The following CSMD1 variants were observed in gnomAD, a reference collection of about 807,000 sequenced individuals.
CSMD1 encodes CUB and sushi domain-containing protein 1.
A neutral mutation model predicts 417.5 loss-of-function variants in CSMD1; 213 were observed. That is an observed-to-expected ratio of 0.51 (90% CI 0.46 to 0.57). The LOEUF (loss-of-function observed/expected upper bound fraction) is 0.57. Among genes scored for constraint, CSMD1 ranks in the 20% least tolerant of loss-of-function variants. The probability of loss-of-function intolerance (pLI) is 0.00; values close to 1 mark genes in which losing one functional copy is unlikely to be tolerated. For synonymous variants in CSMD1, 2,862 were observed against 1,736.8 expected, an observed-to-expected ratio of 1.65 and a Z score of -16.11; for missense variants, 6,923 against 4,529.7, an observed-to-expected ratio of 1.53 and a Z score of -15.17.
intron 54 of CSMD1, among the ~76,000 whole-genome samples, chr8:2,982,285 T>G (rs563477523): frequency 6.6e-6 from 1 of 152,162 alleles, no homozygotes; most frequent in South Asian, 2.1e-4. Context: ...GAACCCAGGA[T>G]GCGGAAGCTG....
chr8:4,105,693 C>G (rs1163043799), intron 3 of CSMD1, among the ~76,000 whole-genome samples: 1 of 152,192 alleles, frequency 6.6e-6, no homozygotes, highest in Non-Finnish European at 1.5e-5. Context: ...TCATATTAGC[C>G]TAGGCTGGGG....
chr8:4,823,696 G>C (rs903490131), intron 1 of CSMD1, among the ~76,000 whole-genome samples: 1 of 152,014 alleles, frequency 6.6e-6, no homozygotes, highest in Non-Finnish European at 1.5e-5. Context: ...TCTATGGTGA[G>C]AATTAATATA....
At chr8:4,206,790 T>C (rs1246129608) in intron 3 of CSMD1, among the ~76,000 whole-genome samples, 2 of 152,224 alleles carry the variant, frequency 1.3e-5, no homozygotes, top group African/African-American at 4.8e-5. Context: ...GGTAGTTGAT[T>C]ATATAAAGAT....
intron 7 of CSMD1, among the ~76,000 whole-genome samples, chr8:3,625,409 A>G (rs759677892): frequency 5.4e-5 from 8 of 149,246 alleles, no homozygotes; most frequent in African/African-American, 1.0e-4. Flanking sequence ...TTACATTGCC[A>G]GATTTTTTTG....
intron 3 of CSMD1, among the ~76,000 whole-genome samples, chr8:4,079,638 C>A (rs1169030616): frequency 6.6e-6 from 1 of 152,208 alleles, no homozygotes; most frequent in East Asian, 1.9e-4. Context: ...TAAATTGATA[C>A]ACAGACACAT....
At chr8:3,881,337 T>C (rs1468920464) in intron 5 of CSMD1, among the ~76,000 whole-genome samples, 11 of 150,396 alleles carry the variant, frequency 7.3e-5, no homozygotes, top group Non-Finnish European at 3.0e-5. Flanking sequence ...TATATAGATA[T>C]ATAAAAAGCA....
chr8:3,753,962 T>G lies in CSMD1; in HGVS notation c.899A>C (p.His300Pro). 6.2e-7 allele frequency: 1 copy of G among 1,612,718 alleles called. No individual in the cohort carries two copies. Among genetic ancestry groups the G allele is most frequent in the East Asian group, 2.2e-5 (1 of 44,816 alleles). The change falls in exon 6 of 70, where the codon CAC becomes CCC. Residue 300 changes from histidine to proline, a missense_variant. Physicochemically the swap from His to Pro is moderately conservative, Grantham distance 77. Transcript: ENST00000635120. Reference sequence around the variant, plus strand: ...CTGAGCGTTAAATCCTTTGCGTCGGTGGTTGCTGTCAGAGGTGAAATGGAG... The same window carrying G: ...CTGAGCGTTAAATCCTTTGCGTCGGGGGTTGCTGTCAGAGGTGAAATGGAG... ...LRLHFTSDSN[H>P]RRKGFNAQFQ...
chr8:4,582,574 G>C (rs183576468), intron 2 of CSMD1, among the ~76,000 whole-genome samples: 218 of 152,290 alleles, frequency 1.4e-3, no homozygotes, highest in African/African-American at 5.0e-3. Context: ...AAGCTCCAAA[G>C]CCCACAGCTG....
intron 3 of CSMD1, among the ~76,000 whole-genome samples, chr8:4,072,455 C>T (rs565732101): frequency 1.3e-5 from 2 of 152,252 alleles, no homozygotes; most frequent in East Asian, 3.9e-4. Context: ...GGGAGATAGA[C>T]TTTATTATTT....
chr8:4,453,933 T>A (rs931302779), intron 2 of CSMD1, among the ~76,000 whole-genome samples: 1 of 144,506 alleles, frequency 6.9e-6, no homozygotes, highest in African/African-American at 2.5e-5. Flanking sequence ...AGCATTCTCC[T>A]GCCTCAGCCT....
chr8:3,399,622 T>A, intron 15 of CSMD1, 93 bp from the exon 16 acceptor site: 1 of 910,578 alleles, frequency 1.1e-6, no homozygotes, highest in East Asian at 2.9e-5. Flanking sequence ...TGCTTCTGTG[T>A]TCATAGACTG....
chr8:3,257,490 G>T (rs750034399), intron 26 of CSMD1, among the ~76,000 whole-genome samples: 2 of 152,192 alleles, frequency 1.3e-5, no homozygotes, highest in East Asian at 1.9e-4. Flanking sequence ...TATGGATATG[G>T]ACAGTGACAG....
At chr8:4,951,982 C>T (rs1368707724) in intron 1 of CSMD1, among the ~76,000 whole-genome samples, 4 of 151,184 alleles carry the variant, frequency 2.6e-5, no homozygotes, top group African/African-American at 9.7e-5. Context: ...AGCTTCTAAA[C>T]ATAGTTTATC....
chr8:3,545,381 G>A (rs1012783512), intron 10 of CSMD1, among the ~76,000 whole-genome samples: 1 of 152,182 alleles, frequency 6.6e-6, no homozygotes, highest in African/African-American at 2.4e-5. Flanking sequence ...CAAAACAGCT[G>A]TAAAACATAA....
intron 3 of CSMD1, among the ~76,000 whole-genome samples, chr8:4,159,740 C>T (rs1354717618): frequency 2.0e-5 from 3 of 152,156 alleles, no homozygotes; most frequent in African/African-American, 7.2e-5. Context: ...AGGTGCCCGC[C>T]ACCACGCCCG....
Position 4,525,709 on chromosome 8 carries a change from G to C in CSMD1, c.303-105644C>G, listed in dbSNP as rs60653630. ...AAAATAATAGAAGTCTCCCAAGCTA[G>C]GGATGGTCAGGTGTCACCTCGTCAT... On this transcript the variant is annotated intron_variant, in intron 2 of 69. Coordinates refer to ENST00000635120, the MANE Select transcript of CSMD1 (RefSeq NM_033225.6). Among the ~76,000 whole-genome samples the C allele has an allele frequency of 2.7e-3, 414 of 152,298 alleles. 3 individuals are homozygous for C. Among genetic ancestry groups the C allele is most frequent in the African/African-American group, 9.6e-3 (397 of 41,566 alleles).
intron 26 of CSMD1, among the ~76,000 whole-genome samples, chr8:3,252,320 C>G (rs920288176): frequency 1.1e-4 from 17 of 152,252 alleles, no homozygotes; most frequent in African/African-American, 4.1e-4. Context: ...TTGGGATTAT[C>G]ACGTGGTTTT....
intron 3 of CSMD1, among the ~76,000 whole-genome samples, chr8:4,409,259 C>G (rs917930123): frequency 6.6e-6 from 1 of 152,098 alleles, no homozygotes; most frequent in East Asian, 1.9e-4. Context: ...TACATACTTC[C>G]TACTTATTTC....
At chr8:3,862,625 T>C (rs1804793611) in intron 5 of CSMD1, among the ~76,000 whole-genome samples, 1 of 152,228 alleles carries the variant, frequency 6.6e-6, no homozygotes. Flanking sequence ...TATTTCTCTA[T>C]TTGCTGAATA....
Sources: gnomAD v4.1 joint callset for allele counts (sites outside exome capture counted in the v4.1 genomes callset) on GRCh38, gnomAD v4.1.1 for gene constraint, MANE v1.5 for transcripts, NCBI Gene and HGNC (gene_info 2026-07-23, HGNC 2026-07-21) for gene names.